Variants in SEMA5A observed in about 807,000 individuals in gnomAD.
SEMA5A encodes the protein semaphorin-5A.
A neutral mutation model predicts 135.5 loss-of-function variants in SEMA5A; 55 were observed. The observed-to-expected ratio is 0.41, with a 90% confidence interval of 0.33 to 0.51. The LOEUF (loss-of-function observed/expected upper bound fraction) is 0.51. Among genes scored for constraint, SEMA5A ranks in the 20% least tolerant of loss-of-function variants. The pLI, the probability that SEMA5A is intolerant of heterozygous loss-of-function variation, is 0.37. For synonymous variants in SEMA5A, 580 were observed against 546.5 expected, an observed-to-expected ratio of 1.06 and a Z score of -0.85; for missense variants, 1,290 against 1,419.9, an observed-to-expected ratio of 0.91 and a Z score of 1.47.
intron 3 of SEMA5A, among the ~76,000 whole-genome samples, chr5:9,374,289 TC>T (rs1755266022): frequency 2.6e-5 from 4 of 152,158 alleles, no homozygotes; most frequent in African/African-American, 9.7e-5. Context: ...TCTACCAGCA[TC>T]TTCTGCCTAG....
At chr5:9,425,261 C>T (rs757549153) in intron 2 of SEMA5A, among the ~76,000 whole-genome samples, 3 of 152,144 alleles carry the variant, frequency 2.0e-5, no homozygotes, top group Non-Finnish European at 4.4e-5. Flanking sequence ...GCAATTATTG[C>T]TTATGGTCTA....
At chr5:9,388,512 G>A (rs573709595) in intron 2 of SEMA5A, among the ~76,000 whole-genome samples, 1 of 151,852 alleles carries the variant, frequency 6.6e-6, no homozygotes, top group Non-Finnish European at 1.5e-5. Context: ...TAAATAATGG[G>A]CTTTCAAGGC....
chr5:9,145,346 TCA>T (rs1219916863), intron 12 of SEMA5A, among the ~76,000 whole-genome samples: 9 of 152,286 alleles, frequency 5.9e-5, no homozygotes, highest in Middle Eastern at 3.4e-3. Context: ...TGGCTTATGG[TCA>T]CACACACAAA....
intron 11 of SEMA5A, among the ~76,000 whole-genome samples, chr5:9,161,682 T>A (rs1743263912): frequency 6.6e-6 from 1 of 152,236 alleles, no homozygotes; most frequent in Non-Finnish European, 1.5e-5. Context: ...GGTGCTGCTC[T>A]GGAGAGCCAG....
chr5:9,419,625 G>T (rs1346613077), intron 2 of SEMA5A, among the ~76,000 whole-genome samples: 2 of 152,054 alleles, frequency 1.3e-5, no homozygotes, highest in African/African-American at 4.8e-5. Context: ...GTCACAGGTG[G>T]GCCCTGATAA....
At chr5:9,274,327 G>T (rs954528977) in intron 5 of SEMA5A, among the ~76,000 whole-genome samples, 3 of 152,082 alleles carry the variant, frequency 2.0e-5, no homozygotes, top group African/African-American at 7.2e-5. Flanking sequence ...GGAGCACCCA[G>T]ATTCATAAAG....
intron 2 of SEMA5A, among the ~76,000 whole-genome samples, chr5:9,384,619 C>CATAGATACATAG (rs1755776109): frequency 1.2e-5 from 1 of 85,814 alleles, no homozygotes; most frequent in African/African-American, 4.4e-5. Context: ...TAGATAGATA[C>CATAGATACATAG]ATAGATAGAT....
intron 11 of SEMA5A, among the ~76,000 whole-genome samples, chr5:9,188,223 G>C (rs1744910894): frequency 1.3e-5 from 2 of 152,188 alleles, no homozygotes; most frequent in Admixed American, 1.3e-4. Flanking sequence ...CTGCAAACCT[G>C]TAACAGGGCC....
At chr5:9,437,677 A>C (rs1758081875) in intron 2 of SEMA5A, 79 bp downstream of exon 2, 1 of 151,312 alleles carries the variant, frequency 6.6e-6, no homozygotes, top group Admixed American at 6.6e-5. Flanking sequence ...TAACAGAAGT[A>C]AAGCTCACAA....
At chr5:9,070,858 C>T (rs540479891) in intron 16 of SEMA5A, among the ~76,000 whole-genome samples, 74 of 152,180 alleles carry the variant, frequency 4.9e-4, no homozygotes, top group Middle Eastern at 3.4e-3. Context: ...ATGGTATGGC[C>T]AATTTGTTTT....
At chr5:9,170,737 C>T (rs973539054) in intron 11 of SEMA5A, among the ~76,000 whole-genome samples, 5 of 152,184 alleles carry the variant, frequency 3.3e-5, no homozygotes, top group African/African-American at 1.2e-4. Context: ...CATGGCTTTT[C>T]ATCCCCCAGC....
intron 15 of SEMA5A, among the ~76,000 whole-genome samples, chr5:9,112,361 A>G (rs752621656): frequency 6.6e-6 from 1 of 152,202 alleles, no homozygotes; most frequent in Non-Finnish European, 1.5e-5. Flanking sequence ...TGCATAAATT[A>G]TGTTCCATTC....
intron 3 of SEMA5A, among the ~76,000 whole-genome samples, chr5:9,367,903 C>T (rs1262067967): frequency 6.6e-5 from 10 of 152,188 alleles, no homozygotes; most frequent in South Asian, 4.1e-4. Flanking sequence ...CTCTTGCTCC[C>T]GCTCTTGGCA....
chr5:9,199,507 G>A (rs1427215441), intron 9 of SEMA5A, among the ~76,000 whole-genome samples: 1 of 152,114 alleles, frequency 6.6e-6, no homozygotes, highest in South Asian at 2.1e-4. Context: ...GGCAGGCGAG[G>A]GCAGCCCAGG....
chr5:9,072,256 A>G (rs1737809445), intron 16 of SEMA5A, among the ~76,000 whole-genome samples: 1 of 152,174 alleles, frequency 6.6e-6, no homozygotes, highest in Admixed American at 6.5e-5. Flanking sequence ...TACAGCCTTG[A>G]GAAGGTTCCC....
intron 16 of SEMA5A, among the ~76,000 whole-genome samples, chr5:9,076,203 C>CAAAAAA (rs55743535): frequency 3.3e-5 from 3 of 89,896 alleles, no homozygotes; most frequent in Non-Finnish European, 6.7e-5. Flanking sequence ...GACTCCATCT[C>CAAAAAA]AAAAAAAAAA....
chr5:9,405,356 T>C (rs1285432857), intron 2 of SEMA5A, among the ~76,000 whole-genome samples: 1 of 152,218 alleles, frequency 6.6e-6, no homozygotes. Context: ...GTCTAAACTT[T>C]CCATTCAAAA....
chr5:9,491,951 C>T (rs940762658), intron 1 of SEMA5A, among the ~76,000 whole-genome samples: 3 of 152,226 alleles, frequency 2.0e-5, no homozygotes, highest in African/African-American at 7.2e-5. Flanking sequence ...TCTCTCTCTT[C>T]CTTGGCAAAT....
intron 16 of SEMA5A, among the ~76,000 whole-genome samples, chr5:9,094,318 A>G (rs1739205036): frequency 6.6e-6 from 1 of 151,802 alleles, no homozygotes; most frequent in Non-Finnish European, 1.5e-5. Context: ...ATTATTTCAA[A>G]TGAACAGTAT....
Sources: gnomAD v4.1 joint callset for allele counts (sites outside exome capture counted in the v4.1 genomes callset) on GRCh38, gnomAD v4.1.1 for gene constraint, MANE v1.5 for transcripts, NCBI Gene and HGNC (gene_info 2026-07-23, HGNC 2026-07-21) for gene names.